The following HMCES variants were observed in gnomAD, a reference collection of about 807,000 sequenced individuals.
HMCES encodes 5-hydroxymethylcytosine binding, ES cell specific, also known as abasic site processing protein HMCES.
Under a neutral mutation model 35.1 loss-of-function variants are expected in HMCES, and 27 were observed. That is an observed-to-expected ratio of 0.77 (90% CI 0.57 to 1.06). The LOEUF is 1.06. Among genes scored for constraint, HMCES ranks in the 50% least tolerant of loss-of-function variants. The pLI, the probability that HMCES is intolerant of heterozygous loss-of-function variation, is 0.00. For synonymous variants in HMCES, 130 were observed against 154.7 expected (o/e 0.84, Z 1.18); for missense variants, 391 against 430.4 (o/e 0.91, Z 0.81).
intron 6 of HMCES, among the ~76,000 whole-genome samples, chr3:129,302,857 GAA>G (rs747413556): frequency 7.2e-6 from 1 of 139,204 alleles, no homozygotes; most frequent in Non-Finnish European, 1.6e-5. Context: ...CCACAAAAAG[GAA>G]AAAAAAAAAA....
chr3:129,293,130 G>A (rs191920513), intron 4 of HMCES, among the ~76,000 whole-genome samples: 85 of 152,310 alleles, frequency 5.6e-4, no homozygotes, highest in African/African-American at 2.0e-3. Context: ...ACAAGCGGAG[G>A]GAGTTTCACT....
chr3:129,294,747 T>C (rs2071071162), intron 4 of HMCES, among the ~76,000 whole-genome samples: 1 of 152,220 alleles, frequency 6.6e-6, no homozygotes, highest in Non-Finnish European at 1.5e-5. Context: ...TCCAGTTTTC[T>C]CTCTGGTATT....
chr3:129,279,997 C>T lies in HMCES; in HGVS notation c.183+82C>T. The T allele has an allele frequency of 4.1e-6, 5 of 1,217,150 alleles. No individual in the cohort carries two copies. Among genetic ancestry groups the T allele is most frequent in the Non-Finnish European group, 3.4e-6 (3 of 891,998 alleles). The allele number at this position is 1,217,150 out of a possible 1,614,324, so 75.4% of individuals were successfully genotyped here. A position where few individuals can be genotyped will look rare whatever the true frequency, so the allele number is the denominator to read the frequency against. ...ATTTGGTTTGGTGTGTGCTCAGCCT[C>T]TTGGGATGACATTAAAAACCAGCCT... On this transcript the variant is annotated intron_variant, in intron 2 of 6. Coordinates refer to ENST00000383463, the MANE Select transcript of HMCES (RefSeq NM_020187.3). This position sits in a 1 kb window ranked among gnomAD's most constrained non-coding sequence, Gnocchi z 4.2.
At chr3:129,293,145 C>G (rs923313194) in intron 4 of HMCES, among the ~76,000 whole-genome samples, 1 of 152,186 alleles carries the variant, frequency 6.6e-6, no homozygotes, top group Non-Finnish European at 1.5e-5. Context: ...TTCACTGTTT[C>G]AGCAAGTTAT....
intron 2 of HMCES, among the ~76,000 whole-genome samples, chr3:129,285,284 AC>A (rs981653122): frequency 3.3e-5 from 5 of 152,164 alleles, no homozygotes; most frequent in African/African-American, 9.7e-5. Flanking sequence ...TTAGAAAAAT[AC>A]TATACTACAA....
In HMCES at chr3:129,305,297, C is replaced by A. The variant is rs2071221319; in HGVS notation, c.*472C>A. ...TGAATAAATTGTATTTGGTAAACTT[C>A]TGCCTACATTTTGGAAAGTGATGCT... is the stretch of plus-strand genomic sequence containing the variant. On this transcript the variant is annotated 3_prime_UTR_variant, in exon 7 of 7. Transcript: ENST00000383463. The A allele has an allele frequency of 1.3e-5, 2 of 153,870 alleles. No individual in the cohort carries two copies. The highest frequency in any genetic ancestry group is 1.3e-4 in the Admixed American group (2 of 15,650). 9.5% of individuals were successfully genotyped at this position (153,870 alleles called of 1,614,324 possible).
intron 5 of HMCES, among the ~76,000 whole-genome samples, chr3:129,300,659 C>T (rs528478157): frequency 1.3e-4 from 19 of 150,316 alleles, no homozygotes; most frequent in Non-Finnish European, 2.8e-4. Flanking sequence ...CACTTTGGGA[C>T]GCCGAGGTGG....
At chr3:129,290,564 G>C in intron 3 of HMCES, 115 bp from the exon 4 acceptor site, 1 of 1,120,552 alleles carries the variant, frequency 8.9e-7, no homozygotes, top group Non-Finnish European at 1.3e-6. Flanking sequence ...GATTACAGCC[G>C]TGAGCCACCC....
chr3:129,287,369 G>T (rs1000458643), intron 2 of HMCES, among the ~76,000 whole-genome samples: 2 of 151,774 alleles, frequency 1.3e-5, no homozygotes, highest in Non-Finnish European at 2.9e-5. Flanking sequence ...AACTACAGGT[G>T]CATGCCACCA....
At chr3:129,295,697 G>A (rs982651027) in intron 4 of HMCES, among the ~76,000 whole-genome samples, 2 of 152,102 alleles carry the variant, frequency 1.3e-5, no homozygotes, top group East Asian at 3.8e-4. Context: ...GAAGTCTAGT[G>A]TATAACTGTC....
At chr3:129,299,644 GCTT>G (rs1318683326) in intron 5 of HMCES, among the ~76,000 whole-genome samples, 1 of 138,556 alleles carries the variant, frequency 7.2e-6, no homozygotes, top group Middle Eastern at 3.4e-3. Flanking sequence ...CCTTATAGGT[GCTT>G]CTTTTTTTTT....
At chr3:129,303,024 G>A (rs976145000) in intron 6 of HMCES, among the ~76,000 whole-genome samples, 10 of 152,152 alleles carry the variant, frequency 6.6e-5, no homozygotes, top group African/African-American at 2.4e-4. Context: ...CGAACTACAA[G>A]TTGCAGGAGC....
chr3:129,283,496 AG>A (rs1576978692), intron 2 of HMCES, among the ~76,000 whole-genome samples: 1 of 151,254 alleles, frequency 6.6e-6, no homozygotes, highest in East Asian at 2.0e-4. Context: ...TGACATTTTG[AG>A]GGGGAAGTTC....
At chr3:129,293,128 AG>A (rs1216957839) in intron 4 of HMCES, among the ~76,000 whole-genome samples, 2 of 152,202 alleles carry the variant, frequency 1.3e-5, no homozygotes, top group Non-Finnish European at 2.9e-5. Context: ...TTACAAGCGG[AG>A]GGAGTTTCAC....
At chr3:129,284,274 A>T (rs1439736563) in intron 2 of HMCES, among the ~76,000 whole-genome samples, 1 of 152,188 alleles carries the variant, frequency 6.6e-6, no homozygotes, top group Non-Finnish European at 1.5e-5. Context: ...CATAGCACTA[A>T]AGTGCTGGCT....
intron 2 of HMCES, 100 bp from the exon 3 acceptor site, chr3:129,288,754 C>A (rs773799540): frequency 1.7e-5 from 16 of 950,968 alleles, no homozygotes; most frequent in South Asian, 3.6e-5. Flanking sequence ...ATCTTGAATT[C>A]TTTATATTTC....
At chr3:129,297,092 T>C (rs1210546023) in intron 4 of HMCES, among the ~76,000 whole-genome samples, 2 of 152,172 alleles carry the variant, frequency 1.3e-5, no homozygotes, top group Non-Finnish European at 2.9e-5. Context: ...ATCCAGTGTT[T>C]AGGGTAAGGA....
intron 3 of HMCES, among the ~76,000 whole-genome samples, chr3:129,290,127 C>T (rs1254949578): frequency 6.8e-6 from 1 of 146,570 alleles, no homozygotes; most frequent in African/African-American, 2.5e-5. Flanking sequence ...GGAGGTGGAG[C>T]TTGCAGTGAG....
intron 3 of HMCES, among the ~76,000 whole-genome samples, chr3:129,289,594 C>G (rs1940742468): frequency 2.0e-5 from 3 of 151,984 alleles, no homozygotes. Context: ...AGGCTGGTCT[C>G]AAACTCCTGG....
Sources: allele counts gnomAD v4.1 joint callset (sites outside exome capture counted in the v4.1 genomes callset), GRCh38; gene constraint gnomAD v4.1.1; non-coding constraint Gnocchi (gnomAD v3.1); transcripts MANE v1.5; gene names NCBI Gene and HGNC (gene_info 2026-07-23, HGNC 2026-07-21).